Variants in TTLL11 observed in about 807,000 individuals in gnomAD.
TTLL11 encodes the protein tubulin polyglutamylase TTLL11.
TTLL11 carries 42 observed loss-of-function variants against 51.7 expected under a neutral mutation model. That is an observed-to-expected ratio of 0.81 (90% CI 0.64 to 1.05). The LOEUF (loss-of-function observed/expected upper bound fraction) is 1.05. Ranked by LOEUF, TTLL11 falls within the 50% of genes least tolerant of loss-of-function variation. The pLI is 0.00. For missense variants in TTLL11, 799 were observed against 940.4 expected (o/e 0.85, Z 1.97); for synonymous variants, 381 against 383.5 (o/e 0.99, Z 0.08).
intron 4 of TTLL11, chr9:121,988,768 CTA>C (rs1843004872): frequency 4.4e-6 from 1 of 224,774 alleles, no homozygotes; most frequent in Non-Finnish European, 8.7e-6. Flanking sequence ...ACAACAGACT[CTA>C]TGCATCAGCA....
At chr9:122,002,801 C>T (rs1475662548) in intron 3 of TTLL11, among the ~76,000 whole-genome samples, 1 of 151,968 alleles carries the variant, frequency 6.6e-6, no homozygotes, top group Non-Finnish European at 1.5e-5. Context: ...CAAAAATTAG[C>T]TGGGCGTGGT....
rs376967799 is a variant in TTLL11, at chr9:121,880,491, A to G, written c.1482-9743T>C. On this transcript the variant is annotated intron_variant, in intron 6 of 8. Coordinates refer to ENST00000321582, the MANE Select transcript of TTLL11 (RefSeq NM_001139442.2). ...TTCTCTATAACCTCCCCGACTTAGT[A>G]TTTCATCATCATCATCAAGAAATTT... Among the ~76,000 whole-genome samples, 54 of 152,298 alleles carry G rather than the reference A, an allele frequency of 3.5e-4. No individual in the cohort carries two copies. In the East Asian group the frequency reaches 9.4e-3, roughly 27 times the overall value.
chr9:121,993,901 G>T (rs1296063766), intron 3 of TTLL11, among the ~76,000 whole-genome samples: 2 of 152,180 alleles, frequency 1.3e-5, no homozygotes, highest in Non-Finnish European at 2.9e-5. Context: ...TCCAATCTTA[G>T]CAACTCAGAC....
chr9:121,895,132 G>C (rs748080920), intron 6 of TTLL11, among the ~76,000 whole-genome samples: 12 of 152,286 alleles, frequency 7.9e-5, no homozygotes, highest in Admixed American at 1.3e-4. Flanking sequence ...CTTAAATGTA[G>C]TAACAATGAG....
intron 6 of TTLL11, among the ~76,000 whole-genome samples, chr9:121,876,523 G>A (rs1201292453): frequency 2.6e-5 from 4 of 152,210 alleles, no homozygotes; most frequent in Non-Finnish European, 5.9e-5. Flanking sequence ...GATGATGAGT[G>A]AGCCAGCATG....
chr9:121,942,734 T>C (rs1841524783), intron 6 of TTLL11, among the ~76,000 whole-genome samples: 1 of 138,980 alleles, frequency 7.2e-6, no homozygotes, highest in Non-Finnish European at 1.5e-5. Flanking sequence ...TTCTAATCTG[T>C]CTTATTTTTT....
chr9:121,872,757 G>A (rs1221853849), intron 6 of TTLL11, among the ~76,000 whole-genome samples: 5 of 152,186 alleles, frequency 3.3e-5, no homozygotes, highest in Non-Finnish European at 5.9e-5. Context: ...CAGAAGCAGA[G>A]AAGCATGAGG....
intron 6 of TTLL11, among the ~76,000 whole-genome samples, chr9:121,948,934 TCCCTAGTC>T (rs1441020924): frequency 1.3e-5 from 2 of 152,134 alleles, no homozygotes; most frequent in African/African-American, 4.8e-5. Flanking sequence ...GAATGTGTCC[TCCCTAGTC>T]ATAGGGCTCA....
At chr9:122,052,886 A>G (rs971660967) in intron 1 of TTLL11, among the ~76,000 whole-genome samples, 4 of 152,244 alleles carry the variant, frequency 2.6e-5, no homozygotes, top group Non-Finnish European at 4.4e-5. Context: ...AAAGATGAGT[A>G]GCAGAGCCTC....
chr9:121,912,117 A>C (rs1365223287), intron 6 of TTLL11, among the ~76,000 whole-genome samples: 1 of 152,162 alleles, frequency 6.6e-6, no homozygotes, highest in Admixed American at 6.5e-5. Context: ...AACTTACATG[A>C]ATTTTTAGGC....
At chr9:121,975,136 C>T (rs938328318) in intron 4 of TTLL11, among the ~76,000 whole-genome samples, 157 bp from the exon 5 acceptor site, 5 of 152,160 alleles carry the variant, frequency 3.3e-5, no homozygotes, top group Admixed American at 3.3e-4. Context: ...ACTTGTCAGA[C>T]CAAATGGACA....
At chr9:121,966,010 C>A (rs1212039010) in intron 6 of TTLL11, among the ~76,000 whole-genome samples, 1 of 152,186 alleles carries the variant, frequency 6.6e-6, no homozygotes, top group African/African-American at 2.4e-5. Context: ...CTATTGGCAC[C>A]AAACATGGCA....
intron 6 of TTLL11, among the ~76,000 whole-genome samples, chr9:121,922,056 C>A (rs1018381021): frequency 6.6e-6 from 1 of 152,110 alleles, no homozygotes; most frequent in African/African-American, 2.4e-5. Context: ...TTTCTAACTG[C>A]CAGCTGCTGC....
At chr9:122,037,336 C>G (rs1844732781) in intron 2 of TTLL11, among the ~76,000 whole-genome samples, 1 of 152,198 alleles carries the variant, frequency 6.6e-6, no homozygotes, top group South Asian at 2.1e-4. Context: ...GGTAAGAACT[C>G]TGGCTGCAAG....
At chr9:122,013,081 G>A (rs1405297825) in intron 3 of TTLL11, among the ~76,000 whole-genome samples, 1 of 152,216 alleles carries the variant, frequency 6.6e-6, no homozygotes, top group South Asian at 2.1e-4. Flanking sequence ...CACTTAGTGA[G>A]GGGATAGAGT....
At chr9:121,929,099 T>G (rs1165754695) in intron 6 of TTLL11, among the ~76,000 whole-genome samples, 1 of 152,098 alleles carries the variant, frequency 6.6e-6, no homozygotes, top group Non-Finnish European at 1.5e-5. Flanking sequence ...GGTCTTCAAA[T>G]GTAAAGAGAG....
intron 7 of TTLL11, among the ~76,000 whole-genome samples, chr9:121,869,575 ACT>A (rs1324971683): frequency 6.6e-6 from 1 of 152,106 alleles, no homozygotes; most frequent in African/African-American, 2.4e-5. Context: ...TTTGATCGAG[ACT>A]CTGTGTAGGA....
At chr9:121,996,319 G>A (rs1843261809) in intron 3 of TTLL11, among the ~76,000 whole-genome samples, 1 of 152,096 alleles carries the variant, frequency 6.6e-6, no homozygotes, top group South Asian at 2.1e-4. Flanking sequence ...ATGGTCCCTT[G>A]GGAAGTTCCC....
chr9:121,865,224 C>T lies in TTLL11; in HGVS notation c.1734-4781G>A, dbSNP rs551326726. 2.6e-5 allele frequency among the ~76,000 whole-genome samples: 4 copies of T among 152,248 alleles called. No homozygotes were observed. The South Asian group carries it at 8.3e-4, about 32-fold the overall frequency. ...ACGCTCCTATTCTAGAACATTCTAA[C>T]ACACCACGTTGCCTCTCAGAGAATA... On this transcript the variant is annotated intron_variant, in intron 7 of 8. Coordinates refer to ENST00000321582, the MANE Select transcript of TTLL11 (RefSeq NM_001139442.2).
Sources: gnomAD v4.1 joint callset for allele counts (sites outside exome capture counted in the v4.1 genomes callset) on GRCh38, gnomAD v4.1.1 for gene constraint, MANE v1.5 for transcripts, NCBI Gene and HGNC (gene_info 2026-07-23, HGNC 2026-07-21) for gene names.